Variants in MALRD1 observed in about 807,000 individuals in gnomAD.
MALRD1 encodes MAM and LDL-receptor class A domain-containing protein 1.
MALRD1 carries 247 observed loss-of-function variants against 242.1 expected under a neutral mutation model. The observed-to-expected ratio is 1.02, with a 90% CI of 0.92 to 1.13. The LOEUF is 1.13. Among genes scored for constraint, MALRD1 ranks in the 50% most tolerant of loss-of-function variants. The probability of loss-of-function intolerance (pLI) is 0.00; values close to 1 mark genes in which losing one functional copy is unlikely to be tolerated. For synonymous variants in MALRD1, 995 were observed against 866.6 expected, an observed-to-expected ratio of 1.15 and a Z score of -2.60; for missense variants, 2,989 against 2,533.1, an observed-to-expected ratio of 1.18 and a Z score of -3.86.
At position 19,191,336 on chromosome 10, in the gene MALRD1, C is replaced by T. The variant is rs192127205; in HGVS notation, c.1952-12392C>T. On this transcript the variant is annotated intron_variant, in intron 14 of 39. Transcript: ENST00000454679. The stretch of plus-strand genomic sequence containing the variant: ...AACAAAACCAAACAAAAAACCAATC[C>T]AGAAGTTAACAAGTGTTGGTGAGGA... Among the ~76,000 whole-genome samples the T allele has an allele frequency of 2.8e-3, 420 of 152,212 alleles. 2 individuals carry two copies. The highest frequency in any genetic ancestry group is 9.7e-3 in the African/African-American group (402 of 41,534).
At chr10:19,193,053 A>G (rs549214067) in intron 14 of MALRD1, among the ~76,000 whole-genome samples, 44 of 152,250 alleles carry the variant, frequency 2.9e-4, no homozygotes, top group Middle Eastern at 3.4e-3. Context: ...TCCTTGAAAT[A>G]TAGCTTTATA....
chr10:19,726,322 A>G (rs1835023176), intron 38 of MALRD1, among the ~76,000 whole-genome samples: 1 of 152,218 alleles, frequency 6.6e-6, no homozygotes, highest in African/African-American at 2.4e-5. Context: ...AAGATTACAT[A>G]TAGTTGAACA....
At chr10:19,392,964 C>T (rs1018337867) in intron 28 of MALRD1, among the ~76,000 whole-genome samples, 2 of 152,110 alleles carry the variant, frequency 1.3e-5, no homozygotes, top group African/African-American at 4.8e-5. Context: ...CTCTGTTACT[C>T]CACTCCTTCA....
intron 22 of MALRD1, among the ~76,000 whole-genome samples, chr10:19,327,263 G>C (rs1588915805): frequency 6.6e-6 from 1 of 152,000 alleles, no homozygotes; most frequent in South Asian, 2.1e-4. Flanking sequence ...AATTGTTACT[G>C]CTGCCAGATT....
rs186149712 is a variant in MALRD1, at chr10:19,143,848, C to T, written c.1412-2350C>T. Among the ~76,000 whole-genome samples the T allele has an allele frequency of 4.7e-4, 71 of 152,196 alleles. 1 individual carries two copies. In the South Asian group the frequency reaches 0.012, roughly 25 times the overall value. On this transcript the variant is annotated intron_variant, in intron 10 of 39. Coordinates refer to ENST00000454679, the MANE Select transcript of MALRD1 (RefSeq NM_001142308.3). ...GAAGGTGGCAGAGCTCACAGAGAAC[C>T]GAGGGATTAGACCAGAGGGTTCTGT...
chr10:19,503,407 T>A (rs1838062263), intron 31 of MALRD1, among the ~76,000 whole-genome samples: 1 of 152,214 alleles, frequency 6.6e-6, no homozygotes, highest in Admixed American at 6.5e-5. Flanking sequence ...ATTAGATACA[T>A]AAGAGGGCCA....
At chr10:19,229,252 G>A (rs12359699) in intron 18 of MALRD1, among the ~76,000 whole-genome samples, 19,534 of 152,020 alleles carry the variant, frequency 0.13, 1,599 homozygotes, top group Admixed American at 0.26. Flanking sequence ...CTAGTATAAC[G>A]AAGTTAAATA....
chr10:19,204,400 A>C lies in MALRD1; in HGVS notation c.2197A>C (p.Ile733Leu). 6.5e-7 allele frequency: 1 copy of C among 1,544,626 alleles called. No homozygotes were observed. The highest frequency in any genetic ancestry group is 8.7e-7 in the Non-Finnish European group (1 of 1,144,212). ...TTTCAGCCAGACAGGACCTGGATGC[A>C]TACTTTCCTTCTGGTAAATATTAAA... Reference protein sequence around the residue: ...PTFSQTGPGCILSFWFYNYGL... With the variant: ...PTFSQTGPGCLLSFWFYNYGL... Residue 733 changes from isoleucine to leucine, a missense_variant, in exon 16 of 40, where the codon ATA becomes CTA. Coordinates refer to ENST00000454679, the MANE Select transcript of MALRD1 (RefSeq NM_001142308.3).
At chr10:19,410,679 CTT>C (rs58147034) in intron 28 of MALRD1, among the ~76,000 whole-genome samples, 7 of 132,900 alleles carry the variant, frequency 5.3e-5, no homozygotes, top group Non-Finnish European at 6.3e-5. Context: ...TCCTTCCTTC[CTT>C]TTTTTTTTTT....
intron 32 of MALRD1, among the ~76,000 whole-genome samples, chr10:19,539,897 T>TGTGTGTGTGTGCGCGC (rs1365113182): frequency 1.1e-4 from 5 of 44,432 alleles, no homozygotes; most frequent in East Asian, 7.8e-4. Flanking sequence ...TGTGTGTGTG[T>TGTGTGTGTGTGCGCGC]GCGCGCGCGC....
chr10:19,498,900 A>C (rs567396266), intron 31 of MALRD1, among the ~76,000 whole-genome samples: 1 of 152,294 alleles, frequency 6.6e-6, no homozygotes, highest in African/African-American at 2.4e-5. Flanking sequence ...CTCTACCCTA[A>C]GGGTGCCATT....
At chr10:19,684,542 G>A (rs915483765) in intron 36 of MALRD1, among the ~76,000 whole-genome samples, 5 of 152,104 alleles carry the variant, frequency 3.3e-5, no homozygotes, top group African/African-American at 9.7e-5. Context: ...AACCACTTGA[G>A]GCCAGGATTT....
intron 14 of MALRD1, 93 bp from the exon 15 acceptor site, chr10:19,203,635 G>A: frequency 3.9e-6 from 5 of 1,281,782 alleles, no homozygotes; most frequent in Non-Finnish European, 5.2e-6. Flanking sequence ...GCATACAGAA[G>A]CATAATAAGG....
intron 32 of MALRD1, among the ~76,000 whole-genome samples, chr10:19,559,182 C>CAAT (rs947306890): frequency 4.3e-4 from 65 of 151,266 alleles, no homozygotes; most frequent in African/African-American, 1.3e-3. Flanking sequence ...GACTCTGTCT[C>CAAT]AATAATAATA....
intron 19 of MALRD1, among the ~76,000 whole-genome samples, chr10:19,258,446 A>G (rs1325224711): frequency 6.6e-6 from 1 of 152,090 alleles, no homozygotes; most frequent in African/African-American, 2.4e-5. Context: ...TGGCACTCAG[A>G]CTGAGAGCTC....
chr10:19,124,733 TATAAGAC>T, intron 7 of MALRD1, 63 bp downstream of exon 7: 1 of 1,205,776 alleles, frequency 8.3e-7, no homozygotes, highest in Non-Finnish European at 1.0e-6. Context: ...GGTGACTAGT[TATAAGAC>T]ATTACATAGG....
At chr10:19,474,904 A>T (rs1836658306) in intron 29 of MALRD1, among the ~76,000 whole-genome samples, 1 of 152,172 alleles carries the variant, frequency 6.6e-6, no homozygotes, top group African/African-American at 2.4e-5. Context: ...AACCTAGAAA[A>T]ATGAATGTTA....
Position 19,668,376 on chromosome 10 carries a change from A to G in MALRD1, c.6138-23906A>G, listed in dbSNP as rs147631273. Among the ~76,000 whole-genome samples the G allele has an allele frequency of 3.0e-3, 460 of 152,296 alleles. 2 individuals are homozygous for G. The highest frequency in any genetic ancestry group is 9.9e-3 in the African/African-American group (410 of 41,560). On this transcript the variant is annotated intron_variant, in intron 36 of 39. Coordinates refer to ENST00000454679, the MANE Select transcript of MALRD1 (RefSeq NM_001142308.3). ...TTCTATAATAGGGCATGCACCAAGA[A>G]AGGGAGGTTGGTGACCTAAAACATA...
chr10:19,679,562 G>A (rs895287356), intron 36 of MALRD1, among the ~76,000 whole-genome samples: 2 of 151,190 alleles, frequency 1.3e-5, no homozygotes, highest in African/African-American at 4.9e-5. Flanking sequence ...TTCTTTATTA[G>A]TCTAGCTAGT....
Sources: allele counts gnomAD v4.1 joint callset (sites outside exome capture counted in the v4.1 genomes callset), GRCh38; gene constraint gnomAD v4.1.1; transcripts MANE v1.5; gene names NCBI Gene and HGNC (gene_info 2026-07-23, HGNC 2026-07-21).